BANK1: variants seen among roughly 807,000 people sequenced by gnomAD.
BANK1 encodes B-cell scaffold protein with ankyrin repeats.
In BANK1, 95 loss-of-function variants were observed where a neutral mutation model predicts 94.5. The ratio of observed to expected loss-of-function variants is 1.00; its 90% CI spans 0.85 to 1.19. The LOEUF is 1.19. BANK1 is among the 50% of genes most tolerant of loss of function. BANK1 has a pLI of 0.00. For synonymous variants in BANK1, 334 were observed against 308.4 expected (o/e 1.08, Z -0.87); for missense variants, 987 against 932.2 (o/e 1.06, Z -0.77).
At chr4:101,874,125 C>A (rs1165674439) in intron 5 of BANK1, among the ~76,000 whole-genome samples, 1 of 152,162 alleles carries the variant, frequency 6.6e-6, no homozygotes, top group Admixed American at 6.5e-5. Flanking sequence ...TTACTTTACA[C>A]ATATTGAAAT....
At chr4:101,950,881 C>G (rs1050405691) in intron 7 of BANK1, among the ~76,000 whole-genome samples, 32 of 152,246 alleles carry the variant, frequency 2.1e-4, no homozygotes, top group African/African-American at 7.7e-4. Context: ...AACTCATAAC[C>G]TCAGTCTAAT....
Position 102,036,490 on chromosome 4 carries a change from C to T in BANK1, c.1900+6225C>T, listed in dbSNP as rs149827737. Among the ~76,000 whole-genome samples the T allele has an allele frequency of 7.0e-3, 1,060 of 152,292 alleles. 7 individuals carry two copies. The highest frequency in any genetic ancestry group is 0.054 in the Middle Eastern group (16 of 294). ...TAGATCAACTGCCTTGGATCCTCCT[C>T]CCTGGATAGGTGACCTTGTCCAAAC... On this transcript the variant is annotated intron_variant, in intron 10 of 16. Transcript: ENST00000322953.
At chr4:101,792,711 T>A (rs896366210) in intron 1 of BANK1, among the ~76,000 whole-genome samples, 3 of 152,058 alleles carry the variant, frequency 2.0e-5, no homozygotes, top group African/African-American at 7.2e-5. Context: ...GTAAACACAG[T>A]TTCATGCCCA....
intron 7 of BANK1, among the ~76,000 whole-genome samples, chr4:101,954,126 G>GT (rs748871579): frequency 2.5e-4 from 38 of 152,074 alleles, no homozygotes; most frequent in Non-Finnish European, 5.1e-4. Flanking sequence ...TTCACAATAT[G>GT]TTTTCCCTGT....
At chr4:101,918,511 G>A (rs1722903559) in intron 7 of BANK1, among the ~76,000 whole-genome samples, 2 of 151,918 alleles carry the variant, frequency 1.3e-5, no homozygotes, top group South Asian at 4.1e-4. Context: ...TTTGAAGAAT[G>A]TTAGTTTTGT....
intron 7 of BANK1, among the ~76,000 whole-genome samples, chr4:101,975,929 G>A (rs1000997499): frequency 2.6e-5 from 4 of 152,046 alleles, no homozygotes; most frequent in East Asian, 1.9e-4. Flanking sequence ...GCGAATTTCC[G>A]CATTCAGATA....
intron 1 of BANK1, among the ~76,000 whole-genome samples, chr4:101,811,200 A>G (rs1725721589): frequency 6.6e-6 from 1 of 152,152 alleles, no homozygotes; most frequent in Non-Finnish European, 1.5e-5. Context: ...CCCCCAAACA[A>G]AATTTCTAAG....
At chr4:101,797,512 AG>A (rs776651423) in intron 1 of BANK1, among the ~76,000 whole-genome samples, 1 of 152,230 alleles carries the variant, frequency 6.6e-6, no homozygotes, top group Admixed American at 6.5e-5. Flanking sequence ...GTGAACAATT[AG>A]GGGTTTGCAA....
chr4:101,884,890 TTTTG>T (rs917236248), intron 5 of BANK1, among the ~76,000 whole-genome samples: 37 of 152,168 alleles, frequency 2.4e-4, no homozygotes, highest in South Asian at 1.2e-3. Flanking sequence ...TCTGGAAGGT[TTTTG>T]TTTGTTTGTT....
At chr4:101,895,501 A>T in intron 6 of BANK1, 91 bp downstream of exon 6, 1 of 731,124 alleles carries the variant, frequency 1.4e-6, no homozygotes, top group South Asian at 1.7e-5. Context: ...AAATATAGGT[A>T]GCTGCACTGC....
At chr4:102,037,724 G>C (rs1185154264) in intron 10 of BANK1, among the ~76,000 whole-genome samples, 1 of 152,118 alleles carries the variant, frequency 6.6e-6, no homozygotes, top group African/African-American at 2.4e-5. Flanking sequence ...TTTGGTTTTG[G>C]TTTTGGTTTT....
chr4:101,999,074 T>C (rs112117894), intron 7 of BANK1, among the ~76,000 whole-genome samples: 76 of 152,330 alleles, frequency 5.0e-4, no homozygotes, highest in Middle Eastern at 3.4e-3. Flanking sequence ...GGAAATCTTT[T>C]TTGCCTAGAA....
intron 7 of BANK1, among the ~76,000 whole-genome samples, chr4:101,931,601 T>G (rs2148905533): frequency 6.6e-6 from 1 of 151,660 alleles, no homozygotes; most frequent in Middle Eastern, 3.4e-3. Context: ...TTATCATTAA[T>G]CTCTTTCTAT....
intron 5 of BANK1, among the ~76,000 whole-genome samples, chr4:101,872,582 G>A (rs1471247475): frequency 6.6e-6 from 1 of 152,190 alleles, no homozygotes; most frequent in East Asian, 1.9e-4. Flanking sequence ...GTGTATTTTA[G>A]ATTTGTTTGA....
intron 5 of BANK1, among the ~76,000 whole-genome samples, chr4:101,885,456 G>T (rs1257383958): frequency 6.6e-6 from 1 of 152,148 alleles, no homozygotes; most frequent in Non-Finnish European, 1.5e-5. Context: ...AACTTTGCAT[G>T]TGCTCCTCTA....
intron 6 of BANK1, among the ~76,000 whole-genome samples, chr4:101,902,532 A>T (rs1722319996): frequency 1.3e-5 from 2 of 152,184 alleles, no homozygotes; most frequent in African/African-American, 4.8e-5. Context: ...AGATGATTTA[A>T]TCTATACTTA....
In BANK1 at chr4:102,004,515, C is replaced by T. The variant is rs183945454; in HGVS notation, c.1207-16999C>T. On this transcript the variant is annotated intron_variant, in intron 7 of 16. Coordinates refer to ENST00000322953, the MANE Select transcript of BANK1 (RefSeq NM_017935.5). ...TTCATCGACCAGCCATTGCTAGGATCTTTGGCAGAGAGAATTTTTGGATGG... is the reference window on the plus strand; with the variant it reads ...TTCATCGACCAGCCATTGCTAGGATTTTTGGCAGAGAGAATTTTTGGATGG... Among the ~76,000 whole-genome samples, 558 of 152,254 alleles carry T rather than the reference C, an allele frequency of 3.7e-3. 1 individual carries two copies. Among genetic ancestry groups the T allele is most frequent in the Non-Finnish European group, 6.0e-3 (408 of 68,002 alleles).
intron 10 of BANK1, among the ~76,000 whole-genome samples, chr4:102,030,971 G>T (rs550436097): frequency 1.3e-5 from 2 of 152,148 alleles, no homozygotes; most frequent in East Asian, 3.9e-4. Context: ...GGGATTGCTG[G>T]GTCAAATGGT....
At chr4:101,933,213 T>C (rs920845537) in intron 7 of BANK1, among the ~76,000 whole-genome samples, 1 of 151,012 alleles carries the variant, frequency 6.6e-6, no homozygotes, top group Admixed American at 6.6e-5. Context: ...AAAGGGAGAT[T>C]ATTTGGAGAA....
Sources: allele counts gnomAD v4.1 joint callset (sites outside exome capture counted in the v4.1 genomes callset), GRCh38; gene constraint gnomAD v4.1.1; transcripts MANE v1.5; gene names NCBI Gene and HGNC (gene_info 2026-07-23, HGNC 2026-07-21).